Variants in CDIN1 observed in about 807,000 individuals in gnomAD.
The protein encoded by CDIN1 is CDAN1-interacting nuclease 1.
Under a neutral mutation model 45.3 loss-of-function variants are expected in CDIN1, and 33 were observed. That is an observed-to-expected ratio of 0.73 (90% CI 0.55 to 0.97). CDIN1 has a LOEUF of 0.97. Ranked by LOEUF, CDIN1 falls within the 50% of genes least tolerant of loss-of-function variation. The probability of loss-of-function intolerance (pLI) is 0.00; values close to 1 mark genes in which losing one functional copy is unlikely to be tolerated. For synonymous variants in CDIN1, 118 were observed against 124.4 expected, an observed-to-expected ratio of 0.95 and a Z score of 0.34; for missense variants, 303 against 339.4, an observed-to-expected ratio of 0.89 and a Z score of 0.84.
intron 8 of CDIN1, among the ~76,000 whole-genome samples, chr15:36,703,571 A>G (rs1399229393): frequency 1.3e-5 from 2 of 151,808 alleles, no homozygotes; most frequent in Non-Finnish European, 2.9e-5. Context: ...GGACAGCAGA[A>G]TAAAAAATCT....
intron 10 of CDIN1, among the ~76,000 whole-genome samples, chr15:36,738,968 G>A (rs533497595): frequency 2.0e-5 from 3 of 152,328 alleles, no homozygotes; most frequent in South Asian, 2.1e-4. Flanking sequence ...ATGTACCAAT[G>A]TTAATAGCAC....
At chr15:36,617,324 C>G (rs1360042933) in intron 1 of CDIN1, 13 of 1,438,674 alleles carry the variant, frequency 9.0e-6, no homozygotes, top group Non-Finnish European at 7.8e-6. Context: ...TGTGAAACCA[C>G]AAGAAATACT....
chr15:36,682,784 A>G (rs1055491467), intron 5 of CDIN1, among the ~76,000 whole-genome samples: 2 of 151,626 alleles, frequency 1.3e-5, no homozygotes, highest in African/African-American at 4.8e-5. Flanking sequence ...AAAAAAAAAA[A>G]AAGAAAAAAG....
intron 10 of CDIN1, among the ~76,000 whole-genome samples, chr15:36,710,601 C>T (rs79727911): frequency 2.2e-4 from 33 of 152,270 alleles, no homozygotes; most frequent in African/African-American, 7.7e-4. Flanking sequence ...ATTTATCTCT[C>T]ACTCCCAAAT....
intron 1 of CDIN1, among the ~76,000 whole-genome samples, chr15:36,629,517 A>G (rs1343282055): frequency 1.3e-5 from 2 of 152,212 alleles, no homozygotes; most frequent in Non-Finnish European, 2.9e-5. Flanking sequence ...CATGGTAATA[A>G]TATCATAATT....
chr15:36,654,075 C>T (rs2040682497), intron 3 of CDIN1, 23 bp from the exon 4 acceptor site: 1 of 1,559,272 alleles, frequency 6.4e-7, no homozygotes, highest in Non-Finnish European at 8.7e-7. Flanking sequence ...CACTGCATTA[C>T]CACTTGGCTT....
At chr15:36,762,346 T>G (rs1213474630) in intron 10 of CDIN1, among the ~76,000 whole-genome samples, 1 of 152,192 alleles carries the variant, frequency 6.6e-6, no homozygotes, top group Non-Finnish European at 1.5e-5. Context: ...ACCCACATAT[T>G]GCTGAAGTAG....
chr15:36,761,754 C>A (rs1036374025), intron 10 of CDIN1, among the ~76,000 whole-genome samples: 3 of 152,124 alleles, frequency 2.0e-5, no homozygotes, highest in Non-Finnish European at 4.4e-5. Flanking sequence ...ACTTCTTGCT[C>A]CAGGAAAAAG....
At chr15:36,583,125 G>A (rs753924350) in intron 1 of CDIN1, among the ~76,000 whole-genome samples, 1 of 151,536 alleles carries the variant, frequency 6.6e-6, no homozygotes, top group Non-Finnish European at 1.5e-5. Context: ...TTTTGATATG[G>A]TTAACTTTTA....
intron 1 of CDIN1, among the ~76,000 whole-genome samples, chr15:36,616,385 C>T (rs1299285902): frequency 2.0e-5 from 3 of 151,792 alleles, no homozygotes; most frequent in Non-Finnish European, 4.4e-5. Flanking sequence ...CGGGTTCAAG[C>T]GATTCCCCTG....
At chr15:36,599,563 C>T (rs1006362246) in intron 1 of CDIN1, among the ~76,000 whole-genome samples, 7 of 152,078 alleles carry the variant, frequency 4.6e-5, no homozygotes, top group African/African-American at 1.2e-4. Flanking sequence ...ATAAATTATT[C>T]GGTATAGGAC....
intron 10 of CDIN1, among the ~76,000 whole-genome samples, chr15:36,800,525 G>T (rs1436408095): frequency 6.6e-6 from 1 of 151,918 alleles, no homozygotes; most frequent in Non-Finnish European, 1.5e-5. Flanking sequence ...ATTTCACTTG[G>T]ACTGAAAGGT....
At chr15:36,618,881 G>A (rs2039022035) in intron 1 of CDIN1, 4 of 1,094,816 alleles carry the variant, frequency 3.7e-6, no homozygotes, top group South Asian at 1.3e-5. Context: ...GGCAAGTACT[G>A]CCTCACCATG....
chr15:36,653,456 T>TAA (rs10634949), intron 3 of CDIN1, among the ~76,000 whole-genome samples: 17,876 of 147,220 alleles, frequency 0.12, 1,115 homozygotes, highest in Middle Eastern at 0.17. Context: ...CAAATTTTTG[T>TAA]AAAAAAAAAA....
At chr15:36,631,435 GACA>G (rs1256589157) in intron 1 of CDIN1, among the ~76,000 whole-genome samples, 1 of 152,104 alleles carries the variant, frequency 6.6e-6, no homozygotes, top group Admixed American at 6.6e-5. Flanking sequence ...CCTTGTCCCT[GACA>G]ACTACTAATC....
At chr15:36,709,661 A>G (rs2042985927) in intron 9 of CDIN1, among the ~76,000 whole-genome samples, 195 bp from the exon 10 acceptor site, 1 of 152,194 alleles carries the variant, frequency 6.6e-6, no homozygotes, top group Non-Finnish European at 1.5e-5. Context: ...AATGAAAATC[A>G]AAGGGATATG....
intron 10 of CDIN1, among the ~76,000 whole-genome samples, chr15:36,804,853 T>G (rs1282252825): frequency 1.3e-5 from 2 of 151,562 alleles, no homozygotes; most frequent in Admixed American, 6.6e-5. Context: ...TTTTATATCT[T>G]TAGTGGAGAC....
intron 3 of CDIN1, chr15:36,647,672 A>ATATC (rs1566863975): frequency 2.0e-5 from 3 of 152,188 alleles, no homozygotes; most frequent in Non-Finnish European, 4.4e-5. Flanking sequence ...AATTGGCTTT[A>ATATC]AAAGGTTTTT....
intron 10 of CDIN1, among the ~76,000 whole-genome samples, chr15:36,721,033 G>C (rs1173292423): frequency 1.3e-5 from 2 of 152,170 alleles, no homozygotes; most frequent in East Asian, 1.9e-4. Context: ...GACCAGTGAT[G>C]ATGAGCATTT....
Sources: allele counts gnomAD v4.1 joint callset (sites outside exome capture counted in the v4.1 genomes callset), GRCh38; gene constraint gnomAD v4.1.1; transcripts MANE v1.5; gene names NCBI Gene and HGNC (gene_info 2026-07-23, HGNC 2026-07-21).